CYP2C19: variants seen among roughly 807,000 people sequenced by gnomAD.
The protein encoded by CYP2C19 is cytochrome P450 family 2 subfamily C member 19, also known as cytochrome P450 2C19.
CYP2C19 carries 59 observed loss-of-function variants against 40.9 expected under a neutral mutation model. The ratio of observed to expected loss-of-function variants is 1.44; its 90% confidence interval spans 1.17 to 1.79. CYP2C19 has a LOEUF of 1.79. Among genes scored for constraint, CYP2C19 ranks in the 40% most tolerant of loss-of-function variants. The probability of loss-of-function intolerance (pLI) is 0.00; values close to 1 mark genes in which losing one functional copy is unlikely to be tolerated. For synonymous variants in CYP2C19, 253 were observed against 208.7 expected (o/e 1.21, Z -1.83); for missense variants, 754 against 596.9 (o/e 1.26, Z -2.74).
At chr10:94,827,626 A>G (rs907372162) in intron 6 of CYP2C19, among the ~76,000 whole-genome samples, 3 of 152,094 alleles carry the variant, frequency 2.0e-5, no homozygotes, top group African/African-American at 7.2e-5. Flanking sequence ...TCCTGGATTC[A>G]TTAATTTTTT....
intron 3 of CYP2C19, chr10:94,775,813 G>C: frequency 1.9e-6 from 1 of 524,996 alleles, no homozygotes; most frequent in Non-Finnish European, 3.4e-6. Flanking sequence ...AAGAAATGAT[G>C]AATATAGATT....
intron 5 of CYP2C19, among the ~76,000 whole-genome samples, chr10:94,802,329 C>A (rs1037653179): frequency 1.3e-5 from 2 of 152,186 alleles, no homozygotes; most frequent in Non-Finnish European, 2.9e-5. Context: ...TCACCTTTAC[C>A]ATTAGGTAGT....
intron 5 of CYP2C19, among the ~76,000 whole-genome samples, chr10:94,793,778 G>A (rs1454101520): frequency 9.9e-5 from 15 of 152,146 alleles, no homozygotes; most frequent in Admixed American, 9.8e-4. Context: ...CTACTAGGAG[G>A]TGTCTCCCAG....
intron 6 of CYP2C19, among the ~76,000 whole-genome samples, chr10:94,827,510 C>G (rs1373100741): frequency 6.6e-6 from 1 of 151,932 alleles, no homozygotes; most frequent in Admixed American, 6.6e-5. Flanking sequence ...GTGGTGATAT[C>G]CCCTTTATCG....
At chr10:94,839,753 G>A (rs7915414) in intron 6 of CYP2C19, among the ~76,000 whole-genome samples, 38,980 of 152,092 alleles carry the variant, frequency 0.26, 5,313 homozygotes, top group South Asian at 0.45. Flanking sequence ...ATTACTGAAT[G>A]TCCATTGAGG....
intron 5 of CYP2C19, among the ~76,000 whole-genome samples, chr10:94,803,921 C>T (rs1221975903): frequency 1.3e-5 from 2 of 152,062 alleles, no homozygotes; most frequent in African/African-American, 4.8e-5. Flanking sequence ...AGAGGGCCCC[C>T]TTGCACCATG....
At chr10:94,845,915 G>A (rs1249353645) in intron 7 of CYP2C19, among the ~76,000 whole-genome samples, 2 of 151,952 alleles carry the variant, frequency 1.3e-5, no homozygotes, top group Non-Finnish European at 2.9e-5. Flanking sequence ...ATATGGCAGT[G>A]TGTATATATA....
At chr10:94,832,031 T>G (rs1849343490) in intron 6 of CYP2C19, among the ~76,000 whole-genome samples, 1 of 152,202 alleles carries the variant, frequency 6.6e-6, no homozygotes, top group South Asian at 2.1e-4. Flanking sequence ...ATTTTCACAG[T>G]TTGAGGTCTC....
intron 1 of CYP2C19, among the ~76,000 whole-genome samples, chr10:94,772,189 T>G (rs947737177): frequency 6.6e-6 from 1 of 152,140 alleles, no homozygotes; most frequent in African/African-American, 2.4e-5. Context: ...ACAGGAAGGA[T>G]AGAATTTCTG....
At chr10:94,802,543 C>T (rs939062827) in intron 5 of CYP2C19, among the ~76,000 whole-genome samples, 6 of 152,104 alleles carry the variant, frequency 3.9e-5, no homozygotes, top group African/African-American at 9.7e-5. Context: ...ATCCAATTTG[C>T]CAGTCTGTGT....
intron 5 of CYP2C19, among the ~76,000 whole-genome samples, chr10:94,789,839 T>C (rs1250500085): frequency 6.6e-6 from 1 of 152,160 alleles, no homozygotes; most frequent in Non-Finnish European, 1.5e-5. Context: ...TCTTCCTTGG[T>C]TCCCTATGAA....
chr10:94,813,221 G>C (rs1028073240), intron 5 of CYP2C19, among the ~76,000 whole-genome samples: 1 of 152,128 alleles, frequency 6.6e-6, no homozygotes, highest in Non-Finnish European at 1.5e-5. Flanking sequence ...AAAGATTGCT[G>C]TGTGTTTATT....
intron 3 of CYP2C19, 29 bp downstream of exon 3, chr10:94,775,568 C>T (rs753071954): frequency 3.7e-6 from 6 of 1,613,750 alleles, no homozygotes; most frequent in African/African-American, 1.3e-5. Context: ...TATCACTGAC[C>T]TTTCTGGACT....
chr10:94,820,876 G>A (rs1849109056), intron 6 of CYP2C19, among the ~76,000 whole-genome samples: 1 of 152,162 alleles, frequency 6.6e-6, no homozygotes, highest in African/African-American at 2.4e-5. Flanking sequence ...TTGAGGCTAG[G>A]AGTTCAAGAC....
intron 5 of CYP2C19, among the ~76,000 whole-genome samples, chr10:94,796,610 A>T (rs548418769): frequency 6.6e-6 from 1 of 152,244 alleles, no homozygotes; most frequent in South Asian, 2.1e-4. Flanking sequence ...CACGATATTG[A>T]TTCTTCCTAT....
At chr10:94,812,349 T>C (rs1305004542) in intron 5 of CYP2C19, among the ~76,000 whole-genome samples, 1 of 152,054 alleles carries the variant, frequency 6.6e-6, no homozygotes, top group Non-Finnish European at 1.5e-5. Flanking sequence ...CAATTATGTG[T>C]CTTGGGGTTG....
chr10:94,775,662 A>T, intron 3 of CYP2C19, 123 bp downstream of exon 3: 1 of 1,554,566 alleles, frequency 6.4e-7, no homozygotes, highest in Non-Finnish European at 8.8e-7. Context: ...AGCTCATGTG[A>T]AGCAGGGTTT....
chr10:94,776,245 TTA>T (rs1414806752), intron 3 of CYP2C19: 2 of 152,166 alleles, frequency 1.3e-5, no homozygotes, highest in Non-Finnish European at 1.5e-5. Context: ...ATAAAATAAT[TTA>T]TTTAACTAGA....
At chr10:94,800,929 C>T (rs1848755441) in intron 5 of CYP2C19, among the ~76,000 whole-genome samples, 1 of 152,162 alleles carries the variant, frequency 6.6e-6, no homozygotes, top group Admixed American at 6.5e-5. Context: ...TCTCTCACGG[C>T]TTCCCTTCAC....
Sources: allele counts gnomAD v4.1 joint callset (sites outside exome capture counted in the v4.1 genomes callset), GRCh38; gene constraint gnomAD v4.1.1; transcripts MANE v1.5; gene names NCBI Gene and HGNC (gene_info 2026-07-23, HGNC 2026-07-21).